SMAP1: variants seen among roughly 807,000 people sequenced by gnomAD.
The protein encoded by SMAP1 is stromal membrane-associated protein 1.
A neutral mutation model predicts 58.5 loss-of-function variants in SMAP1; 24 were observed. That is an observed-to-expected ratio of 0.41 (90% CI 0.30 to 0.58). SMAP1 has a LOEUF of 0.58. Ranked by LOEUF, SMAP1 falls within the 20% of genes least tolerant of loss-of-function variation. The probability of loss-of-function intolerance (pLI) is 0.29; values close to 1 mark genes in which losing one functional copy is unlikely to be tolerated. For missense variants in SMAP1, 563 were observed against 566.3 expected (o/e 0.99, Z 0.06); for synonymous variants, 216 against 196.6 (o/e 1.10, Z -0.82).
intron 4 of SMAP1, among the ~76,000 whole-genome samples, chr6:70,787,686 A>G (rs1429876095): frequency 7.2e-5 from 11 of 151,982 alleles, no homozygotes; most frequent in African/African-American, 1.9e-4. Context: ...GCAGCCAAAA[A>G]ACACATGAAA....
intron 1 of SMAP1, among the ~76,000 whole-genome samples, chr6:70,730,026 C>T (rs1052424499): frequency 6.6e-6 from 1 of 152,152 alleles, no homozygotes; most frequent in Non-Finnish European, 1.5e-5. Context: ...AGACACTGAT[C>T]TAGAATTCAC....
At chr6:70,745,385 T>G (rs1424867621) in intron 2 of SMAP1, among the ~76,000 whole-genome samples, 1 of 152,256 alleles carries the variant, frequency 6.6e-6, no homozygotes, top group Non-Finnish European at 1.5e-5. Flanking sequence ...TTCAGCTTTC[T>G]ACATATGGCT....
chr6:70,765,887 C>T (rs563758744), intron 3 of SMAP1, among the ~76,000 whole-genome samples: 47 of 146,400 alleles, frequency 3.2e-4, no homozygotes, highest in Non-Finnish European at 6.0e-4. Context: ...TAAAGCTATC[C>T]CTCTCCCCTC....
intron 6 of SMAP1, among the ~76,000 whole-genome samples, chr6:70,834,917 A>G (rs776763855): frequency 6.6e-6 from 1 of 152,196 alleles, no homozygotes; most frequent in Non-Finnish European, 1.5e-5. Context: ...TGAAAATTAT[A>G]TACTGTTACA....
chr6:70,726,347 C>T (rs115923717), intron 1 of SMAP1, among the ~76,000 whole-genome samples: 148 of 152,194 alleles, frequency 9.7e-4, no homozygotes, highest in African/African-American at 3.4e-3. Flanking sequence ...GTGCTGGGTA[C>T]AGAACATACA....
intron 3 of SMAP1, among the ~76,000 whole-genome samples, chr6:70,760,497 TA>T (rs1215883479): frequency 2.6e-5 from 4 of 152,072 alleles, no homozygotes; most frequent in African/African-American, 7.2e-5. Flanking sequence ...CTGTAGCCTT[TA>T]AAAAAATTAC....
chr6:70,715,227 T>G (rs1292162857), intron 1 of SMAP1, among the ~76,000 whole-genome samples: 1 of 151,780 alleles, frequency 6.6e-6, no homozygotes, highest in African/African-American at 2.4e-5. Context: ...ACCCCTAGTT[T>G]CTGGGACCAC....
intron 6 of SMAP1, among the ~76,000 whole-genome samples, chr6:70,835,810 C>T (rs1370878892): frequency 4.6e-5 from 7 of 152,160 alleles, no homozygotes; most frequent in South Asian, 2.1e-4. Flanking sequence ...CTCAACTGAA[C>T]GTTTTATTTT....
intron 6 of SMAP1, among the ~76,000 whole-genome samples, chr6:70,808,900 C>G (rs1769261776): frequency 1.1e-5 from 1 of 91,502 alleles, no homozygotes; most frequent in Non-Finnish European, 2.1e-5. Flanking sequence ...CAGGCTGTTT[C>G]CCTGTGTGTG....
intron 2 of SMAP1, among the ~76,000 whole-genome samples, chr6:70,748,428 C>T (rs1766137245): frequency 6.6e-6 from 1 of 151,908 alleles, no homozygotes; most frequent in Admixed American, 6.6e-5. Flanking sequence ...TCATCAGCAA[C>T]AATGATGTTT....
At chr6:70,803,379 T>C (rs956559615) in intron 6 of SMAP1, among the ~76,000 whole-genome samples, 1 of 152,210 alleles carries the variant, frequency 6.6e-6, no homozygotes, top group African/African-American at 2.4e-5. Context: ...TCTATTTGAT[T>C]CTTTTCTCTT....
At chr6:70,776,686 C>G (rs1354794792) in intron 4 of SMAP1, among the ~76,000 whole-genome samples, 1 of 152,212 alleles carries the variant, frequency 6.6e-6, no homozygotes, top group Non-Finnish European at 1.5e-5. Flanking sequence ...GTTCTTCCCT[C>G]TACTTCCATG....
chr6:70,671,805 A>C (rs1378368633), intron 1 of SMAP1, among the ~76,000 whole-genome samples: 1 of 151,890 alleles, frequency 6.6e-6, no homozygotes. Context: ...TCGGTACCTC[A>C]CTCCTTTTAT....
At chr6:70,709,663 T>G (rs1767974323) in intron 1 of SMAP1, among the ~76,000 whole-genome samples, 1 of 152,176 alleles carries the variant, frequency 6.6e-6, no homozygotes, top group African/African-American at 2.4e-5. Context: ...GCCTGCAACC[T>G]TATTTTTCTT....
chr6:70,772,175 A>T (rs143294027), intron 3 of SMAP1, among the ~76,000 whole-genome samples: 2 of 152,342 alleles, frequency 1.3e-5, no homozygotes, highest in Non-Finnish European at 1.5e-5. Context: ...CTACACAGAC[A>T]GTGGCTCGGG....
At chr6:70,747,905 A>G (rs1766111117) in intron 2 of SMAP1, among the ~76,000 whole-genome samples, 1 of 152,200 alleles carries the variant, frequency 6.6e-6, no homozygotes, top group Non-Finnish European at 1.5e-5. Flanking sequence ...GAAAACTGCT[A>G]CCTCTAATTC....
At chr6:70,805,499 T>A (rs1769084685) in intron 6 of SMAP1, among the ~76,000 whole-genome samples, 1 of 152,208 alleles carries the variant, frequency 6.6e-6, no homozygotes, top group African/African-American at 2.4e-5. Flanking sequence ...GAAGCCTACT[T>A]CAGTCAACTC....
At chr6:70,844,667 C>T (rs1770922800) in intron 7 of SMAP1, among the ~76,000 whole-genome samples, 1 of 152,166 alleles carries the variant, frequency 6.6e-6, no homozygotes, top group Non-Finnish European at 1.5e-5. Flanking sequence ...CTCAGGCACA[C>T]TTAAACAAAT....
intron 6 of SMAP1, among the ~76,000 whole-genome samples, chr6:70,805,607 T>G (rs1199160325): frequency 6.6e-6 from 1 of 152,188 alleles, no homozygotes; most frequent in Non-Finnish European, 1.5e-5. Context: ...TTTTCAGCTT[T>G]TCTGCTCTGG....
Sources: allele counts gnomAD v4.1 joint callset (sites outside exome capture counted in the v4.1 genomes callset), GRCh38; gene constraint gnomAD v4.1.1; transcripts MANE v1.5; gene names NCBI Gene and HGNC (gene_info 2026-07-23, HGNC 2026-07-21).